ODAD2: variants seen among roughly 807,000 people sequenced by gnomAD.
The protein encoded by ODAD2 is outer dynein arm-docking complex subunit 2.
Under a neutral mutation model 106.8 loss-of-function variants are expected in ODAD2, and 89 were observed. The observed-to-expected ratio is 0.83, with a 90% CI of 0.70 to 0.99. ODAD2 has a LOEUF of 0.99. Ranked by LOEUF, ODAD2 falls within the 50% of genes least tolerant of loss-of-function variation. ODAD2 has a pLI of 0.00. For missense variants in ODAD2, 1,168 were observed against 1,238.5 expected (o/e 0.94, Z 0.85); for synonymous variants, 404 against 436.2 (o/e 0.93, Z 0.92).
At chr10:27,888,871 A>G (rs1842394006) in intron 17 of ODAD2, among the ~76,000 whole-genome samples, 1 of 152,194 alleles carries the variant, frequency 6.6e-6, no homozygotes, top group African/African-American at 2.4e-5. Flanking sequence ...GCAAAAGATT[A>G]CATTTGAATT....
chr10:27,988,529 G>T (rs1195879088), intron 2 of ODAD2, among the ~76,000 whole-genome samples: 3 of 151,792 alleles, frequency 2.0e-5, no homozygotes, highest in Non-Finnish European at 4.4e-5. Context: ...TAGACAACGG[G>T]GTTACACTAT....
intron 6 of ODAD2, among the ~76,000 whole-genome samples, chr10:27,983,337 T>C (rs1279462729): frequency 6.6e-6 from 1 of 152,188 alleles, no homozygotes; most frequent in Admixed American, 6.5e-5. Context: ...CCCTGCCTCA[T>C]GGAGATGGTC....
upstream of ODAD2, among the ~76,000 whole-genome samples, chr10:27,999,437 A>G (rs944833953): frequency 6.6e-6 from 1 of 151,038 alleles, no homozygotes; most frequent in Admixed American, 6.6e-5. Context: ...TGAGGCTTAC[A>G]TGTTTCTCTC....
intron 16 of ODAD2, among the ~76,000 whole-genome samples, chr10:27,925,452 A>G (rs1202160394): frequency 6.6e-6 from 1 of 152,122 alleles, no homozygotes; most frequent in African/African-American, 2.4e-5. Flanking sequence ...CAAATTCCTG[A>G]TCTCAAATAA....
At chr10:27,885,533 A>AATAT (rs1842041089) in intron 17 of ODAD2, among the ~76,000 whole-genome samples, 1 of 14,620 alleles carries the variant, frequency 6.8e-5, no homozygotes, top group Non-Finnish European at 1.1e-4. Context: ...AAAAAAAAAA[A>AATAT]ATATATATAT....
At chr10:27,995,269 C>T in intron 1 of ODAD2, 89 bp from the exon 2 acceptor site, 3 of 1,317,360 alleles carry the variant, frequency 2.3e-6, no homozygotes, top group African/African-American at 3.0e-5. Flanking sequence ...CTAGTACTCC[C>T]CATCCCACAT....
Position 27,869,471 on chromosome 10 carries a change from G to A in ODAD2, c.2611-6849C>T, listed in dbSNP as rs141415065. Among the ~76,000 whole-genome samples the A allele has an allele frequency of 9.8e-3, 1,470 of 149,302 alleles. 11 individuals carry two copies. Among genetic ancestry groups the A allele is most frequent in the Admixed American group, 0.014 (218 of 15,076 alleles). ...AAGATATATTCTGGTACAACTTCTG[G>A]ACTTAAAAAAAAAAATCTATAATCA... On this transcript the variant is annotated intron_variant, in intron 17 of 19. Coordinates refer to ENST00000305242, the MANE Select transcript of ODAD2 (RefSeq NM_018076.5).
intron 19 of ODAD2, among the ~76,000 whole-genome samples, chr10:27,833,064 G>A (rs7085555): frequency 0.69 from 105,563 of 152,048 alleles, 36,777 homozygotes; most frequent in Middle Eastern, 0.75. Context: ...TTGCCTGGCC[G>A]TGCTTTTTGA....
intron 19 of ODAD2, among the ~76,000 whole-genome samples, chr10:27,834,910 G>T (rs547357278): frequency 4.6e-5 from 7 of 152,334 alleles, no homozygotes; most frequent in African/African-American, 1.7e-4. Context: ...TTTTTCTGTA[G>T]TTGTGGATGG....
intron 17 of ODAD2, among the ~76,000 whole-genome samples, chr10:27,893,384 T>C (rs1004710527): frequency 3.3e-5 from 5 of 152,150 alleles, no homozygotes; most frequent in African/African-American, 4.8e-5. Flanking sequence ...CACATATACA[T>C]GGTGAACTTA....
rs73604078 is a variant in ODAD2, at chr10:27,821,881, G to A, written c.3022-9256C>T. 3.0e-3 allele frequency among the ~76,000 whole-genome samples: 452 copies of A among 152,002 alleles called. 1 individual carries two copies. Among genetic ancestry groups the A allele is most frequent in the African/African-American group, 0.011 (442 of 41,450 alleles). On this transcript the variant is annotated intron_variant, in intron 19 of 19. Transcript: ENST00000305242. ...CAAACTTTTCTCTTTTTAATCCTCCGCCTCCCCTAAAACACACCTAAAGAC... is the reference window on the plus strand; with the variant it reads ...CAAACTTTTCTCTTTTTAATCCTCCACCTCCCCTAAAACACACCTAAAGAC...
At position 27,971,178 on chromosome 10, in the gene ODAD2, A is replaced by C; in HGVS notation, c.1072T>G (p.Phe358Val). The C allele has an allele frequency of 6.2e-7, 1 of 1,613,882 alleles. No homozygotes were observed. The highest frequency in any genetic ancestry group is 8.5e-7 in the Non-Finnish European group (1 of 1,179,888). The change falls in exon 8 of 20, where the codon TTT becomes GTT. Residue 358 changes from phenylalanine to valine, a missense_variant. Phe to Val is a conservative substitution (Grantham distance 50). This residue lies in a region of ODAD2 where 430 missense variants were observed against 452.2 expected (regional missense o/e 0.95). Coordinates refer to ENST00000305242, the MANE Select transcript of ODAD2 (RefSeq NM_018076.5). The stretch of plus-strand genomic sequence containing the variant: ...CTCTTGGTCATTTGATTCCTCCAAA[A>C]ATTAATTTGGTTCTTCTCCAGTGAC... The part of the protein sequence containing the change: ...KRSLEKNQIN[F>V]WRNQMTKRWE...
chr10:27,925,607 C>T (rs1452630765), intron 16 of ODAD2, among the ~76,000 whole-genome samples: 3 of 152,152 alleles, frequency 2.0e-5, no homozygotes. Flanking sequence ...ATCCTCCTGC[C>T]TTGGCCTTCC....
At chr10:27,990,870 C>T (rs1341412572) in intron 2 of ODAD2, among the ~76,000 whole-genome samples, 1 of 152,034 alleles carries the variant, frequency 6.6e-6, no homozygotes, top group Non-Finnish European at 1.5e-5. Context: ...ATATATATCA[C>T]TGAGATGCAG....
intron 19 of ODAD2, among the ~76,000 whole-genome samples, chr10:27,837,990 A>G (rs1348694600): frequency 2.0e-5 from 3 of 152,232 alleles, no homozygotes; most frequent in Non-Finnish European, 2.9e-5. Flanking sequence ...TGGGAAACAC[A>G]GAGAACAAAG....
At chr10:27,914,662 AT>A (rs1043253436) in intron 16 of ODAD2, among the ~76,000 whole-genome samples, 1 of 151,976 alleles carries the variant, frequency 6.6e-6, no homozygotes, top group Non-Finnish European at 1.5e-5. Flanking sequence ...CATTTCCATT[AT>A]TTATAAATAT....
intron 19 of ODAD2, among the ~76,000 whole-genome samples, chr10:27,822,996 G>C (rs1196081189): frequency 6.6e-6 from 1 of 152,168 alleles, no homozygotes; most frequent in Non-Finnish European, 1.5e-5. Flanking sequence ...GAGTAGAAAT[G>C]GGATATATAA....
At chr10:27,941,982 G>C (rs139447864) in intron 12 of ODAD2, among the ~76,000 whole-genome samples, 23 of 152,306 alleles carry the variant, frequency 1.5e-4, no homozygotes, top group African/African-American at 5.1e-4. Context: ...GGTCTAATTA[G>C]TTATGGCCCC....
intron 17 of ODAD2, among the ~76,000 whole-genome samples, chr10:27,870,837 C>A (rs1473046758): frequency 6.6e-6 from 1 of 152,068 alleles, no homozygotes; most frequent in Non-Finnish European, 1.5e-5. Context: ...GTCTTTATAG[C>A]AACATGATTC....
Sources: allele counts gnomAD v4.1 joint callset (sites outside exome capture counted in the v4.1 genomes callset), GRCh38; gene constraint gnomAD v4.1.1; regional missense constraint gnomAD v4.1.1; transcripts MANE v1.5; gene names NCBI Gene and HGNC (gene_info 2026-07-23, HGNC 2026-07-21).